GPR176: variants seen among roughly 807,000 people sequenced by gnomAD.
GPR176 encodes the protein G protein-coupled receptor 176, also known as G-protein coupled receptor 176.
Under a neutral mutation model 35.4 loss-of-function variants are expected in GPR176, and 26 were observed. The ratio of observed to expected loss-of-function variants is 0.74; its 90% CI spans 0.54 to 1.02. The LOEUF is 1.02. Among genes scored for constraint, GPR176 ranks in the 50% least tolerant of loss-of-function variants. The probability of loss-of-function intolerance (pLI) is 0.00; values close to 1 mark genes in which losing one functional copy is unlikely to be tolerated. For missense variants in GPR176, 597 were observed against 665.3 expected, an observed-to-expected ratio of 0.90 and a Z score of 1.13; for synonymous variants, 278 against 271.3, an observed-to-expected ratio of 1.02 and a Z score of -0.24.
chr15:39,902,404 G>T (rs540341536), intron 1 of GPR176, among the ~76,000 whole-genome samples: 5 of 152,244 alleles, frequency 3.3e-5, no homozygotes, highest in South Asian at 2.1e-4. Context: ...CCAATCTTAA[G>T]AATAATAGCA....
intron 1 of GPR176, among the ~76,000 whole-genome samples, chr15:39,817,327 GTTGGTTATGTATTCATT>G (rs1208992234): frequency 1.3e-5 from 2 of 152,130 alleles, no homozygotes; most frequent in Non-Finnish European, 2.9e-5. Context: ...TTTGAAAAGA[GTTGGTTATGTATTCATT>G]ATTTGTAAAT....
intron 1 of GPR176, among the ~76,000 whole-genome samples, chr15:39,833,976 G>A (rs560497180): frequency 2.0e-5 from 3 of 152,294 alleles, no homozygotes; most frequent in African/African-American, 4.8e-5. Flanking sequence ...AACACATGAA[G>A]TGTTCTGCTT....
intron 1 of GPR176, among the ~76,000 whole-genome samples, chr15:39,897,599 A>ATTTTTTTTTTTTTTTTTT (rs386382791): frequency 1.1e-5 from 1 of 88,524 alleles, no homozygotes; most frequent in African/African-American, 4.5e-5. Context: ...ACATCCAAAT[A>ATTTTTTTTTTTTTTTTTT]TTTTTTTTTT....
intron 1 of GPR176, chr15:39,807,620 C>T (rs1899284921): frequency 1.0e-6 from 1 of 1,001,396 alleles, no homozygotes; most frequent in African/African-American, 1.6e-5. Context: ...TCCATGTTGC[C>T]AAACTCTGCA....
intron 1 of GPR176, among the ~76,000 whole-genome samples, chr15:39,830,989 A>G (rs1254663543): frequency 1.3e-5 from 2 of 152,190 alleles, no homozygotes; most frequent in African/African-American, 4.8e-5. Context: ...GCACTTCAAG[A>G]TCAAAGAGCA....
At chr15:39,840,056 T>A (rs986098044) in intron 1 of GPR176, among the ~76,000 whole-genome samples, 3 of 152,180 alleles carry the variant, frequency 2.0e-5, no homozygotes, top group African/African-American at 7.2e-5. Flanking sequence ...AGTTCAACCA[T>A]CGTGGAAGAC....
chr15:39,804,160 T>C (rs761250704), intron 2 of GPR176, among the ~76,000 whole-genome samples: 28 of 152,186 alleles, frequency 1.8e-4, no homozygotes, highest in Admixed American at 1.2e-3. Flanking sequence ...CGTTACATGT[T>C]GGGAAACAGA....
At position 39,854,502 on chromosome 15, in the gene GPR176, T is replaced by C. The variant is rs77127136; in HGVS notation, c.173-47244A>G. Among the ~76,000 whole-genome samples, 1,336 of 152,328 alleles carry C rather than the reference T, an allele frequency of 8.8e-3. 11 individuals are homozygous for C. The highest frequency in any genetic ancestry group is 0.014 in the South Asian group (67 of 4,828). ...TATGAATTTAGAATCTCAGGGTCTG[T>C]AGCCATTTGTGCTCACTCTATCTTG... On this transcript the variant is annotated intron_variant, in intron 1 of 2. Coordinates refer to ENST00000561100, the MANE Select transcript of GPR176 (RefSeq NM_007223.3).
chr15:39,877,533 C>T (rs375642189), intron 1 of GPR176, among the ~76,000 whole-genome samples: 8 of 134,302 alleles, frequency 6.0e-5, no homozygotes, highest in African/African-American at 2.0e-4. Context: ...TAATCACATG[C>T]TCTTCTTCTT....
chr15:39,857,747 T>A (rs2031319664), intron 1 of GPR176, among the ~76,000 whole-genome samples: 1 of 151,450 alleles, frequency 6.6e-6, no homozygotes. Flanking sequence ...GGCGGGCGGA[T>A]CACAAGGTCA....
intron 1 of GPR176, among the ~76,000 whole-genome samples, chr15:39,864,886 T>C (rs956567808): frequency 1.4e-5 from 2 of 143,964 alleles, no homozygotes; most frequent in African/African-American, 5.2e-5. Flanking sequence ...AAAGCATGAA[T>C]AGACATTTTT....
At chr15:39,811,451 G>A (rs1899541869) in intron 1 of GPR176, among the ~76,000 whole-genome samples, 2 of 151,974 alleles carry the variant, frequency 1.3e-5, no homozygotes, top group African/African-American at 2.4e-5. Flanking sequence ...TAGGATTATA[G>A]GTTGAGTATC....
chr15:39,881,027 C>A (rs1432782182), intron 1 of GPR176, among the ~76,000 whole-genome samples: 1 of 152,120 alleles, frequency 6.6e-6, no homozygotes, highest in Non-Finnish European at 1.5e-5. Flanking sequence ...AAACTCAAAG[C>A]TTCCTAACCA....
intron 1 of GPR176, chr15:39,828,974 T>C (rs746445409): frequency 1.5e-5 from 10 of 667,672 alleles, no homozygotes; most frequent in Non-Finnish European, 2.2e-5. Context: ...TGAATACTTA[T>C]TGTCTAAGTA....
At chr15:39,844,203 C>CGG (rs932410862) in intron 1 of GPR176, among the ~76,000 whole-genome samples, 21 of 152,046 alleles carry the variant, frequency 1.4e-4, no homozygotes, top group African/African-American at 4.8e-4. Context: ...CTCAAATGTC[C>CGG]GGATTCATGA....
intron 1 of GPR176, among the ~76,000 whole-genome samples, chr15:39,893,714 C>G (rs866120005): frequency 6.6e-6 from 1 of 150,464 alleles, no homozygotes; most frequent in African/African-American, 2.4e-5. Flanking sequence ...CCGGGCGGGG[C>G]GGCTGGCCGG....
intron 1 of GPR176, among the ~76,000 whole-genome samples, chr15:39,821,432 A>T (rs889665658): frequency 6.6e-6 from 1 of 152,368 alleles, no homozygotes; most frequent in African/African-American, 2.4e-5. Context: ...TCATTAAGCC[A>T]CAGTTTCCAT....
At chr15:39,866,587 AT>A (rs983289804) in intron 1 of GPR176, among the ~76,000 whole-genome samples, 17 of 152,172 alleles carry the variant, frequency 1.1e-4, no homozygotes, top group Non-Finnish European at 1.8e-4. Flanking sequence ...ATATTATAGG[AT>A]TTTTTAAGTG....
At chr15:39,811,778 T>C (rs1899575947) in intron 1 of GPR176, among the ~76,000 whole-genome samples, 1 of 152,070 alleles carries the variant, frequency 6.6e-6, no homozygotes, top group African/African-American at 2.4e-5. Context: ...TAGCCGGGCG[T>C]AGTAGTGGGT....
Sources: gnomAD v4.1 joint callset for allele counts (sites outside exome capture counted in the v4.1 genomes callset) on GRCh38, gnomAD v4.1.1 for gene constraint, MANE v1.5 for transcripts, NCBI Gene and HGNC (gene_info 2026-07-23, HGNC 2026-07-21) for gene names.